The following CDK14 variants were observed in gnomAD, a reference collection of about 807,000 sequenced individuals.
CDK14 encodes the protein cyclin-dependent kinase 14.
CDK14 carries 34 observed loss-of-function variants against 60.7 expected under a neutral mutation model. That is an observed-to-expected ratio of 0.56 (90% CI 0.43 to 0.75). The LOEUF (loss-of-function observed/expected upper bound fraction) is 0.75, where lower values mean the gene tolerates loss of function less well. CDK14 is among the 30% of genes least tolerant of loss of function. The pLI is 0.00. For synonymous variants in CDK14, 197 were observed against 203.7 expected (o/e 0.97, Z 0.28); for missense variants, 482 against 564.1 (o/e 0.85, Z 1.47).
At chr7:90,900,951 AG>A (rs1355578811) in intron 7 of CDK14, among the ~76,000 whole-genome samples, 1 of 152,196 alleles carries the variant, frequency 6.6e-6, no homozygotes, top group African/African-American at 2.4e-5. Flanking sequence ...CTCTGTCCTC[AG>A]GCCACTGACA....
chr7:90,952,016 T>C (rs1794277370), intron 8 of CDK14, among the ~76,000 whole-genome samples: 1 of 152,124 alleles, frequency 6.6e-6, no homozygotes, highest in African/African-American at 2.4e-5. Context: ...TGAGCGTATG[T>C]GTATATAACC....
chr7:91,144,780 A>G, intron 14 of CDK14, among the ~76,000 whole-genome samples: 1 of 152,226 alleles, frequency 6.6e-6, no homozygotes, highest in East Asian at 1.9e-4. Context: ...GCTTGGAAAA[A>G]TTGTTAAAAA....
chr7:91,086,780 T>C (rs1445770129), intron 12 of CDK14, among the ~76,000 whole-genome samples: 1 of 152,190 alleles, frequency 6.6e-6, no homozygotes, highest in Non-Finnish European at 1.5e-5. Flanking sequence ...CCTCTCCTTA[T>C]GTAAAAGAAA....
chr7:90,598,996 G>T (rs1329634049), intron 1 of CDK14, among the ~76,000 whole-genome samples: 1 of 152,152 alleles, frequency 6.6e-6, no homozygotes, highest in South Asian at 2.1e-4. Context: ...GAGCCACCGC[G>T]CCCGGCCTAT....
chr7:91,121,149 T>C (rs1197425427), intron 14 of CDK14, among the ~76,000 whole-genome samples: 2 of 152,206 alleles, frequency 1.3e-5, no homozygotes, highest in Admixed American at 6.5e-5. Flanking sequence ...AAAATGTCTA[T>C]GTAGATAAGG....
At chr7:90,663,163 C>A (rs1220822658) in intron 2 of CDK14, among the ~76,000 whole-genome samples, 2 of 152,144 alleles carry the variant, frequency 1.3e-5, no homozygotes, top group South Asian at 4.1e-4. Context: ...ATGTAGGCCA[C>A]CCCCTTCTTT....
intron 6 of CDK14, among the ~76,000 whole-genome samples, chr7:90,872,792 C>A (rs549230682): frequency 3.3e-5 from 5 of 152,296 alleles, no homozygotes; most frequent in African/African-American, 9.6e-5. Flanking sequence ...TGATCTCCAA[C>A]TGTTGCTATG....
chr7:90,767,444 A>T (rs1196399553), intron 4 of CDK14, among the ~76,000 whole-genome samples: 2 of 152,258 alleles, frequency 1.3e-5, no homozygotes, highest in African/African-American at 4.8e-5. Context: ...AGTCAATTCC[A>T]CAGTGAAATC....
Position 90,744,400 on chromosome 7 carries a change from A to T in CDK14, c.370-3281A>T, listed in dbSNP as rs373948518. On this transcript the variant is annotated intron_variant, in intron 3 of 14. Coordinates refer to ENST00000380050, the MANE Select transcript of CDK14 (RefSeq NM_001287135.2). The stretch of plus-strand genomic sequence containing the variant: ...TACAGAACAAAATGAAAAGTCTCCC[A>T]TGTCTACTTCTCTCTATACAGACAC... Among the ~76,000 whole-genome samples the T allele has an allele frequency of 2.6e-5, 4 of 152,192 alleles. No individual in the cohort carries two copies. In the East Asian group the frequency reaches 5.8e-4, roughly 22 times the overall value.
chr7:91,159,357 G>A (rs1230513006), intron 14 of CDK14, among the ~76,000 whole-genome samples: 1 of 152,174 alleles, frequency 6.6e-6, no homozygotes. Context: ...GCTGTTGCCT[G>A]CTCTTATTTT....
chr7:90,849,726 A>C (rs1294825207), intron 5 of CDK14, among the ~76,000 whole-genome samples: 1 of 151,966 alleles, frequency 6.6e-6, no homozygotes, highest in Non-Finnish European at 1.5e-5. Flanking sequence ...TTTATGTGAA[A>C]ATTTCTGATC....
intron 4 of CDK14, among the ~76,000 whole-genome samples, chr7:90,790,372 A>C (rs1805780939): frequency 6.6e-6 from 1 of 152,224 alleles, no homozygotes; most frequent in Non-Finnish European, 1.5e-5. Context: ...TGGCCTATGC[A>C]AGTATGAATA....
chr7:91,137,953 T>G (rs1410753083), intron 14 of CDK14, among the ~76,000 whole-genome samples: 1 of 152,178 alleles, frequency 6.6e-6, no homozygotes, highest in Non-Finnish European at 1.5e-5. Flanking sequence ...TGGCATTCCT[T>G]GGACAGTGGA....
At chr7:91,049,033 A>G (rs1797314368) in intron 11 of CDK14, among the ~76,000 whole-genome samples, 1 of 134,414 alleles carries the variant, frequency 7.4e-6, no homozygotes, top group Non-Finnish European at 1.6e-5. Flanking sequence ...TGATGCCACT[A>G]TGTCTGGCTA....
intron 2 of CDK14, among the ~76,000 whole-genome samples, chr7:90,631,722 C>G (rs17865282): frequency 0.047 from 7,214 of 152,174 alleles, 204 homozygotes; most frequent in Non-Finnish European, 0.055. Flanking sequence ...GACTGGGTTA[C>G]GAGGTTTCGC....
chr7:91,121,038 A>G (rs1329349989), intron 14 of CDK14, among the ~76,000 whole-genome samples: 1 of 152,220 alleles, frequency 6.6e-6, no homozygotes, highest in Non-Finnish European at 1.5e-5. Flanking sequence ...AAATGGGACC[A>G]TCTTCGAGAT....
intron 10 of CDK14, among the ~76,000 whole-genome samples, chr7:91,026,884 T>C (rs969916143): frequency 5.9e-5 from 9 of 152,332 alleles, no homozygotes; most frequent in Non-Finnish European, 1.3e-4. Context: ...TAAACTATCA[T>C]GATGCTGGAT....
chr7:90,727,217 C>A (rs928058641), intron 3 of CDK14, among the ~76,000 whole-genome samples: 1 of 152,034 alleles, frequency 6.6e-6, no homozygotes, highest in Non-Finnish European at 1.5e-5. Context: ...TGTTCACTTG[C>A]GTTAATCCAG....
At chr7:91,154,194 T>C (rs574312627) in intron 14 of CDK14, among the ~76,000 whole-genome samples, 1 of 152,032 alleles carries the variant, frequency 6.6e-6, no homozygotes, top group East Asian at 1.9e-4. Context: ...AGAATTGGGG[T>C]TATACTTTAC....
Sources: gnomAD v4.1 joint callset for allele counts (sites outside exome capture counted in the v4.1 genomes callset) on GRCh38, gnomAD v4.1.1 for gene constraint, MANE v1.5 for transcripts, NCBI Gene and HGNC (gene_info 2026-07-23, HGNC 2026-07-21) for gene names.